KIAA0232: variants seen among roughly 807,000 people sequenced by gnomAD.
The protein encoded by KIAA0232 is KIAA0232, also known as uncharacterized protein KIAA0232.
In KIAA0232, 27 loss-of-function variants were observed where a neutral mutation model predicts 122.0. That is an observed-to-expected ratio of 0.22 (90% confidence interval 0.16 to 0.31). The LOEUF is 0.31. Ranked by LOEUF, KIAA0232 falls within the 10% of genes least tolerant of loss-of-function variation. KIAA0232 has a pLI of 1.00. For synonymous variants in KIAA0232, 613 were observed against 587.6 expected, an observed-to-expected ratio of 1.04 and a Z score of -0.63; for missense variants, 1,551 against 1,634.2, an observed-to-expected ratio of 0.95 and a Z score of 0.88.
intron 2 of KIAA0232, among the ~76,000 whole-genome samples, chr4:6,822,859 T>C (rs1389598050): frequency 2.0e-5 from 3 of 150,788 alleles, no homozygotes; most frequent in African/African-American, 7.3e-5. Flanking sequence ...ACATGTGCCA[T>C]GCTGGTGCGC....
At chr4:6,822,174 G>A (rs1309819804) in intron 2 of KIAA0232, among the ~76,000 whole-genome samples, 1 of 152,038 alleles carries the variant, frequency 6.6e-6, no homozygotes, top group Non-Finnish European at 1.5e-5. Flanking sequence ...TATGGAAAAT[G>A]TTTTGAAAGT....
chr4:6,795,545 CATATTAA>C (rs147447750), intron 1 of KIAA0232, among the ~76,000 whole-genome samples: 2,176 of 152,284 alleles, frequency 0.014, 108 homozygotes, highest in Admixed American at 0.11. Flanking sequence ...TTAAATCAAA[CATATTAA>C]AGTTAATTTC....
intron 3 of KIAA0232, 55 bp downstream of exon 3, chr4:6,824,739 T>A: frequency 7.0e-7 from 1 of 1,437,544 alleles, no homozygotes; most frequent in Non-Finnish European, 9.7e-7. Context: ...TATGTATACA[T>A]TCCTCTTAAA....
At chr4:6,865,002 C>T (rs1560206002) in intron 7 of KIAA0232, among the ~76,000 whole-genome samples, 1 of 152,184 alleles carries the variant, frequency 6.6e-6, no homozygotes, top group Non-Finnish European at 1.5e-5. Flanking sequence ...AAAATTTCTT[C>T]TACAGAACCT....
rs760608343 is a variant in KIAA0232, at chr4:6,880,962, T to C, written c.4184T>C (p.Leu1395Pro). The change falls in exon 10 of 10, where the codon CTC (leucine) becomes CCC (proline). Residue 1395 changes from leucine (L) to proline (P), a missense_variant. By Grantham distance (98) the Leu-to-Pro change is moderately conservative. Coordinates refer to ENST00000307659, the MANE Select transcript of KIAA0232 (RefSeq NM_014743.3). ...GAGGAGCTCTTTTCTCGAACTCATCTCTAAACCTGCAAAATAGTACAAATT... is the reference window on the plus strand; with the variant it reads ...GAGGAGCTCTTTTCTCGAACTCATCCCTAAACCTGCAAAATAGTACAAATT... ...SEEELFSRTH[L>P] The C allele has an allele frequency of 2.4e-5, 36 of 1,522,764 alleles. No homozygotes were observed. Among genetic ancestry groups the C allele is most frequent in the Non-Finnish European group, 3.2e-5 (36 of 1,131,842 alleles). 94.3% of individuals were successfully genotyped at this position (1,522,764 alleles called of 1,614,324 possible).
At position 6,861,552 on chromosome 4, in the gene KIAA0232, T is replaced by C. The variant is rs763000734; in HGVS notation, c.1170T>C (p.Asn390=). Residue 390 remains asparagine, a synonymous_variant, in exon 7 of 10, where the codon AAT becomes AAC. Coordinates refer to ENST00000307659, the MANE Select transcript of KIAA0232 (RefSeq NM_014743.3). ...AAGGAAAAGACCTGTACATGGAGAA[T>C]AGAAAGGACACAGAGTATAAAGAGG... ...STEGKDLYME[N]RKDTEYKEEP... The C allele has an allele frequency of 1.2e-6, 2 of 1,613,922 alleles. No individual in the cohort carries two copies. Among genetic ancestry groups the C allele is most frequent in the South Asian group, 1.1e-5 (1 of 91,066 alleles).
At chr4:6,810,924 AAAC>A (rs531260948) in intron 2 of KIAA0232, among the ~76,000 whole-genome samples, 65 of 152,332 alleles carry the variant, frequency 4.3e-4, no homozygotes, top group African/African-American at 1.4e-3. Flanking sequence ...TAAAAAGACA[AAAC>A]AACAACAACA....
intron 8 of KIAA0232, among the ~76,000 whole-genome samples, chr4:6,873,536 G>A (rs1252306399): frequency 1.3e-5 from 2 of 151,956 alleles, no homozygotes; most frequent in Admixed American, 6.5e-5. Flanking sequence ...TCCTTGCAGT[G>A]GCATAGGATG....
At chr4:6,876,855 C>T (rs1721784125) in intron 9 of KIAA0232, 98 bp downstream of exon 9, 1 of 783,830 alleles carries the variant, frequency 1.3e-6, no homozygotes, top group Admixed American at 2.0e-5. Context: ...TGAGTGGACC[C>T]CACCTCTCCC....
At chr4:6,872,939 C>A (rs1437635918) in intron 8 of KIAA0232, among the ~76,000 whole-genome samples, 1 of 152,244 alleles carries the variant, frequency 6.6e-6, no homozygotes, top group Non-Finnish European at 1.5e-5. Flanking sequence ...TAGCCACAGA[C>A]AGCTTCCCAG....
At chr4:6,790,035 A>C (rs1358607562) in intron 1 of KIAA0232, among the ~76,000 whole-genome samples, 2 of 152,190 alleles carry the variant, frequency 1.3e-5, no homozygotes, top group Non-Finnish European at 2.9e-5. Flanking sequence ...TCTCAAGAAA[A>C]AAAAAAGAGT....
chr4:6,797,894 C>T (rs997230707), intron 1 of KIAA0232, among the ~76,000 whole-genome samples: 8 of 151,456 alleles, frequency 5.3e-5, no homozygotes, highest in African/African-American at 1.9e-4. Flanking sequence ...CCCATCTCTA[C>T]TAAAAATACA....
chr4:6,842,929 GT>G (rs752875385), intron 4 of KIAA0232, among the ~76,000 whole-genome samples: 1 of 152,094 alleles, frequency 6.6e-6, no homozygotes, highest in Non-Finnish European at 1.5e-5. Context: ...AATATGTTAT[GT>G]GGGGTTTTTC....
At chr4:6,815,181 T>C (rs1410395343) in intron 2 of KIAA0232, among the ~76,000 whole-genome samples, 1 of 152,194 alleles carries the variant, frequency 6.6e-6, no homozygotes, top group Non-Finnish European at 1.5e-5. Context: ...AGTTTGAAAT[T>C]TGAGTGTTTG....
chr4:6,806,961 A>G (rs1333698651), intron 2 of KIAA0232, among the ~76,000 whole-genome samples: 2 of 151,980 alleles, frequency 1.3e-5, no homozygotes, highest in Non-Finnish European at 2.9e-5. Flanking sequence ...TTCTGAATCT[A>G]TGTAGAACTG....
intron 4 of KIAA0232, among the ~76,000 whole-genome samples, chr4:6,843,895 C>G (rs1036755576): frequency 1.9e-4 from 27 of 144,586 alleles, no homozygotes; most frequent in African/African-American, 5.7e-4. Flanking sequence ...TTTGACTGTG[C>G]TCACTGGGCG....
intron 2 of KIAA0232, among the ~76,000 whole-genome samples, chr4:6,814,145 G>A (rs182708149): frequency 6.6e-6 from 1 of 152,296 alleles, no homozygotes; most frequent in East Asian, 1.9e-4. Context: ...TAGTTTAAAT[G>A]TATGGAGATT....
At chr4:6,813,253 A>G (rs1389806095) in intron 2 of KIAA0232, among the ~76,000 whole-genome samples, 1 of 151,664 alleles carries the variant, frequency 6.6e-6, no homozygotes, top group African/African-American at 2.4e-5. Flanking sequence ...GCTCCAAAAA[A>G]CCCTTCATTA....
chr4:6,789,459 AGACGGGGTTTCACCATGTTGGCCAGGTT>A (rs1375287281), intron 1 of KIAA0232, among the ~76,000 whole-genome samples: 1 of 151,500 alleles, frequency 6.6e-6, no homozygotes, highest in Non-Finnish European at 1.5e-5. Flanking sequence ...TTTTTAATAG[AGACGGGGTTTCACCATGTTGGCCAGGTT>A]GGTCTTGAAC....
Sources: allele counts gnomAD v4.1 joint callset (sites outside exome capture counted in the v4.1 genomes callset), GRCh38; gene constraint gnomAD v4.1.1; transcripts MANE v1.5; gene names NCBI Gene and HGNC (gene_info 2026-07-23, HGNC 2026-07-21).